GRIP1: variants seen among roughly 807,000 people sequenced by gnomAD.
GRIP1 encodes glutamate receptor interacting protein 1.
A neutral mutation model predicts 129.9 loss-of-function variants in GRIP1; 45 were observed. The ratio of observed to expected loss-of-function variants is 0.35; its 90% CI spans 0.27 to 0.44. GRIP1 has a LOEUF of 0.44. GRIP1 is among the 20% of genes least tolerant of loss of function. The pLI is 1.00. For synonymous variants in GRIP1, 530 were observed against 520.8 expected, an observed-to-expected ratio of 1.02 and a Z score of -0.24; for missense variants, 1,196 against 1,396.8, an observed-to-expected ratio of 0.86 and a Z score of 2.29.
chr12:67,014,231 T>G lies in GRIP1; in HGVS notation c.58+54819A>C, dbSNP rs530659944. Among the ~76,000 whole-genome samples, 3 of 152,300 alleles carry G rather than the reference T, an allele frequency of 2.0e-5. No individual in the cohort carries two copies. In the South Asian group the frequency reaches 6.2e-4, roughly 32 times the overall value. ...TTTATATTAGCTGTGACAATTTCAG[T>G]TTGCCCTGGAGAGTCACAGTTTACA... On this transcript the variant is annotated intron_variant, in intron 1 of 1. Transcript: ENST00000643019.
intron 15 of GRIP1, among the ~76,000 whole-genome samples, chr12:66,410,015 C>A (rs1341886325): frequency 6.6e-6 from 1 of 151,716 alleles, no homozygotes; most frequent in African/African-American, 2.4e-5. Context: ...CTTTGGGAGG[C>A]CGAGGCGGGC....
chr12:66,944,625 A>G (rs10878536), intron 1 of GRIP1, among the ~76,000 whole-genome samples: 68,294 of 151,648 alleles, frequency 0.45, 15,775 homozygotes, highest in East Asian at 0.68. Context: ...TGATGGAAAG[A>G]GGGTAGGGGT....
At chr12:66,884,928 G>A (rs887986217) in intron 1 of GRIP1, among the ~76,000 whole-genome samples, 1 of 152,104 alleles carries the variant, frequency 6.6e-6, no homozygotes, top group Admixed American at 6.6e-5. Flanking sequence ...AGAAGCTTTT[G>A]CCCACCTTGG....
intron 1 of GRIP1, among the ~76,000 whole-genome samples, chr12:66,614,818 C>T (rs1480607222): frequency 1.3e-5 from 2 of 152,126 alleles, no homozygotes; most frequent in Non-Finnish European, 2.9e-5. Context: ...ACTCCTTCAA[C>T]GTGTCAAGCT....
intron 1 of GRIP1, among the ~76,000 whole-genome samples, chr12:66,603,254 T>C (rs529962820): frequency 3.3e-5 from 5 of 152,096 alleles, no homozygotes; most frequent in African/African-American, 1.2e-4. Flanking sequence ...TTCACAATGA[T>C]AGAATGTCTT....
chr12:66,701,992 G>C (rs2035368750), intron 1 of GRIP1, among the ~76,000 whole-genome samples: 1 of 152,112 alleles, frequency 6.6e-6, no homozygotes, highest in South Asian at 2.1e-4. Context: ...CAGTCATTCA[G>C]AAGTCTAACA....
intron 16 of GRIP1, among the ~76,000 whole-genome samples, chr12:66,398,003 A>G (rs899114685): frequency 6.6e-6 from 1 of 152,190 alleles, no homozygotes; most frequent in Admixed American, 6.5e-5. Context: ...GCCCGCACAC[A>G]GTCTTTTCCA....
At chr12:66,658,252 C>T (rs2136180056) in intron 1 of GRIP1, among the ~76,000 whole-genome samples, 1 of 152,286 alleles carries the variant, frequency 6.6e-6, no homozygotes, top group South Asian at 2.1e-4. Flanking sequence ...TAGCAAATTA[C>T]TTTGAGAACT....
intron 1 of GRIP1, among the ~76,000 whole-genome samples, chr12:66,998,825 T>C (rs17103136): frequency 0.12 from 17,789 of 152,236 alleles, 1,254 homozygotes; most frequent in African/African-American, 0.19. Flanking sequence ...CCTCTCTTCC[T>C]GGCTGCATTA....
intron 1 of GRIP1, among the ~76,000 whole-genome samples, chr12:66,996,282 T>C (rs937844891): frequency 1.3e-5 from 2 of 152,098 alleles, no homozygotes; most frequent in Non-Finnish European, 1.5e-5. Context: ...TTGCACACTT[T>C]AAATGACTGA....
intron 1 of GRIP1, among the ~76,000 whole-genome samples, chr12:66,944,374 G>GA (rs1468003582): frequency 6.6e-6 from 1 of 152,122 alleles, no homozygotes; most frequent in African/African-American, 2.4e-5. Flanking sequence ...AGTGTAAAAG[G>GA]CTATATGTCC....
intron 1 of GRIP1, among the ~76,000 whole-genome samples, chr12:66,816,327 A>G (rs1331840108): frequency 6.6e-6 from 1 of 152,170 alleles, no homozygotes; most frequent in Non-Finnish European, 1.5e-5. Context: ...CTGATCTCCA[A>G]GCTTGCTCAG....
intron 1 of GRIP1, among the ~76,000 whole-genome samples, chr12:67,002,444 G>A (rs1008385231): frequency 6.6e-6 from 1 of 152,166 alleles, no homozygotes; most frequent in Non-Finnish European, 1.5e-5. Flanking sequence ...CTGGTGTAGT[G>A]CATCAACTCA....
At chr12:66,825,325 T>C (rs2039391070) in intron 1 of GRIP1, among the ~76,000 whole-genome samples, 1 of 152,198 alleles carries the variant, frequency 6.6e-6, no homozygotes, top group African/African-American at 2.4e-5. Flanking sequence ...CCTTTCTCCA[T>C]ATGACTTTAC....
chr12:66,671,273 C>T (rs2034066159), intron 1 of GRIP1, among the ~76,000 whole-genome samples: 1 of 152,048 alleles, frequency 6.6e-6, no homozygotes, highest in Admixed American at 6.6e-5. Context: ...GTCTTTCTTC[C>T]TATGCTTTCC....
rs544191287 is a variant in GRIP1, at chr12:66,360,647, G to GT, written c.3013-7085dup. Among the ~76,000 whole-genome samples the GT allele has an allele frequency of 1.7e-4, 26 of 152,294 alleles. No homozygotes were observed. The South Asian group carries it at 5.0e-3, about 29-fold the overall frequency. ...GAAGCTTTCACAGGAGGCAGGGTGG[G>GT]TTCACCATGATTCACATTCAACCTT... On this transcript the variant is annotated intron_variant, in intron 23 of 24. Transcript: ENST00000359742.
chr12:66,882,556 G>T (rs1364590245), intron 1 of GRIP1, among the ~76,000 whole-genome samples: 2 of 152,098 alleles, frequency 1.3e-5, no homozygotes, highest in Non-Finnish European at 2.9e-5. Context: ...TGAGACTATT[G>T]TGAGAATTAA....
chr12:66,392,680 C>T lies in GRIP1; in HGVS notation c.2266G>A (p.Asp756Asn). The part of the protein sequence containing the change: ...TVTLKIKKQT[D>N]AQSASSPKKF... ...TGGCTTTCAATTCACTACTCACCAT[C>T]TGTCTGTTTCTTAATTTTCAAGGTG... The change falls in exon 18 of 25, where the codon GAT (aspartate) becomes AAT (asparagine). Residue 756 changes from aspartate (D) to asparagine (N), a missense_variant. Around this residue, in one of 5 missense-constraint regions of GRIP1, gnomAD observed 427 missense variants for 463.3 expected, o/e 0.92. Transcript: ENST00000359742. 1 of 1,614,144 alleles carries T rather than the reference C, an allele frequency of 6.2e-7. No individual in the cohort carries two copies. The highest frequency in any genetic ancestry group is 1.1e-5 in the South Asian group (1 of 91,090).
chr12:66,993,110 T>C (rs886113357), intron 1 of GRIP1, among the ~76,000 whole-genome samples: 2 of 117,286 alleles, frequency 1.7e-5, no homozygotes, highest in Non-Finnish European at 4.0e-5. Context: ...CAAGACCCTG[T>C]CTCAAAAAAA....
Sources: gnomAD v4.1 joint callset for allele counts (sites outside exome capture counted in the v4.1 genomes callset) on GRCh38, gnomAD v4.1.1 for gene constraint, gnomAD v4.1.1 regional missense constraint, MANE v1.5 for transcripts, NCBI Gene and HGNC (gene_info 2026-07-23, HGNC 2026-07-21) for gene names.